LYPLA1: variants seen among roughly 807,000 people sequenced by gnomAD.
LYPLA1 encodes the protein acyl-protein thioesterase 1.
LYPLA1 carries 17 observed loss-of-function variants against 34.0 expected under a neutral mutation model. That is an observed-to-expected ratio of 0.50 (90% CI 0.34 to 0.75). The LOEUF (loss-of-function observed/expected upper bound fraction) is 0.75. LYPLA1 is among the 30% of genes least tolerant of loss of function. The probability of loss-of-function intolerance (pLI) is 0.01; values close to 1 mark genes in which losing one functional copy is unlikely to be tolerated. For missense variants in LYPLA1, 203 were observed against 288.8 expected (o/e 0.70, Z 2.15); for synonymous variants, 98 against 100.8 (o/e 0.97, Z 0.17).
At position 54,051,173 on chromosome 8, in the gene LYPLA1, C is replaced by T. The variant is rs369458337; in HGVS notation, c.478G>A (p.Ala160Thr). 6 of 1,612,286 alleles carry T rather than the reference C, an allele frequency of 3.7e-6. No individual in the cohort carries two copies. Among genetic ancestry groups the T allele is most frequent in the South Asian group, 2.2e-5 (2 of 90,956 alleles). The change falls in exon 8 of 9, where the codon GCT (alanine) becomes ACT (threonine). Residue 160 changes from alanine (A) to threonine (T), a missense_variant. Coordinates refer to ENST00000316963, the MANE Select transcript of LYPLA1 (RefSeq NM_006330.4). ...TGGAGAATAGAAATATCTCTATTAG[C>T]ACCACCGATAGGACCCTGCAAAAAG... ...ASFPQGPIGG[A>T]NRDISILQCH...
At chr8:54,053,952 C>A (rs186992247) in intron 6 of LYPLA1, among the ~76,000 whole-genome samples, 1 of 152,152 alleles carries the variant, frequency 6.6e-6, no homozygotes, top group South Asian at 2.1e-4. Flanking sequence ...AATATACAGA[C>A]TCCCACATGA....
At chr8:54,044,161 G>A (rs1458018893), downstream of LYPLA1, among the ~76,000 whole-genome samples, 6 of 152,074 alleles carry the variant, frequency 3.9e-5, no homozygotes, top group East Asian at 3.8e-4. Context: ...CCAAAGTGCC[G>A]GTATTACAGG....
intron 5 of LYPLA1, among the ~76,000 whole-genome samples, chr8:54,060,979 G>A (rs887774224): frequency 3.3e-5 from 5 of 151,954 alleles, no homozygotes; most frequent in Non-Finnish European, 5.9e-5. Flanking sequence ...ACAGGCGTGA[G>A]CCACCGCACT....
intron 2 of LYPLA1, among the ~76,000 whole-genome samples, chr8:54,089,210 A>G (rs1809022624): frequency 6.6e-6 from 1 of 152,174 alleles, no homozygotes; most frequent in Non-Finnish European, 1.5e-5. Flanking sequence ...TTGGTATGTG[A>G]ATTATATCTC....
intron 2 of LYPLA1, among the ~76,000 whole-genome samples, chr8:54,083,511 G>T (rs1376968738): frequency 6.6e-6 from 1 of 151,958 alleles, no homozygotes; most frequent in Non-Finnish European, 1.5e-5. Flanking sequence ...AAACAACAGG[G>T]GTCAATAATT....
chr8:54,054,073 T>A (rs953792336), intron 6 of LYPLA1, among the ~76,000 whole-genome samples: 19 of 152,164 alleles, frequency 1.2e-4, no homozygotes, highest in Non-Finnish European at 2.5e-4. Flanking sequence ...CTCTGGCTCC[T>A]GGGTTCAAGT....
chr8:54,089,491 C>CT (rs1190158801), intron 2 of LYPLA1, among the ~76,000 whole-genome samples: 4 of 91,672 alleles, frequency 4.4e-5, no homozygotes, highest in African/African-American at 2.6e-4. Flanking sequence ...TCAGACATCC[C>CT]TGGGGGGGGG....
intron 2 of LYPLA1, among the ~76,000 whole-genome samples, chr8:54,075,987 A>G (rs186641335): frequency 6.6e-6 from 1 of 152,322 alleles, no homozygotes; most frequent in African/African-American, 2.4e-5. Context: ...CCACGGTCAC[A>G]CTATGTTCAG....
intron 2 of LYPLA1, among the ~76,000 whole-genome samples, chr8:54,083,502 A>G (rs1415155935): frequency 6.6e-6 from 1 of 152,230 alleles, no homozygotes; most frequent in Non-Finnish European, 1.5e-5. Context: ...AGAAATATTA[A>G]ACAACAGGGG....
chr8:54,084,894 A>C (rs1808590435), intron 2 of LYPLA1, among the ~76,000 whole-genome samples: 2 of 152,210 alleles, frequency 1.3e-5, no homozygotes, highest in Admixed American at 6.5e-5. Flanking sequence ...AGTAATCCAA[A>C]GTCTCACAGA....
rs560151154 is a variant in LYPLA1 at position 54,100,830 on chromosome 8, A to G, written c.101+78T>C. On this transcript the variant is annotated intron_variant, in intron 2 of 8. Coordinates refer to ENST00000316963, the MANE Select transcript of LYPLA1 (RefSeq NM_006330.4). ...AAATACCATTTTAGCGCCCTTAAAC[A>G]TTAAACCTTTGAACGCGTAAACAAA... 6.0e-6 allele frequency: 7 copies of G among 1,166,254 alleles called. No individual in the cohort carries two copies. The African/African-American group carries it at 1.1e-4, about 18-fold the overall frequency. 72.2% of individuals were successfully genotyped at this position (1,166,254 alleles called of 1,614,324 possible). A position where few individuals can be genotyped will look rare whatever the true frequency, so the allele number is the denominator to read the frequency against.
intron 2 of LYPLA1, chr8:54,073,153 A>G: frequency 2.7e-6 from 2 of 738,996 alleles, no homozygotes; most frequent in South Asian, 2.7e-5. Context: ...CAGAGATGAC[A>G]GCATTCAGCC....
intron 2 of LYPLA1, among the ~76,000 whole-genome samples, chr8:54,080,867 C>T (rs1310482603): frequency 6.6e-6 from 1 of 152,158 alleles, no homozygotes; most frequent in Non-Finnish European, 1.5e-5. Flanking sequence ...GGATTACAGG[C>T]GTAAGCCACT....
chr8:54,065,619 C>A, intron 3 of LYPLA1, 129 bp downstream of exon 3: 1 of 588,072 alleles, frequency 1.7e-6, no homozygotes. Context: ...TTCTACTAAT[C>A]TTTATTTTTA....
chr8:54,051,935 C>T (rs990122005), intron 7 of LYPLA1, among the ~76,000 whole-genome samples: 14 of 151,670 alleles, frequency 9.2e-5, no homozygotes, highest in African/African-American at 3.2e-4. Flanking sequence ...ACTGCAACTT[C>T]CACCTCCTGG....
chr8:54,073,114 G>C, intron 2 of LYPLA1: 1 of 687,504 alleles, frequency 1.5e-6, no homozygotes, highest in Non-Finnish European at 2.7e-6. Flanking sequence ...TCAGGAACTT[G>C]CGCGTCCATC....
intron 2 of LYPLA1, among the ~76,000 whole-genome samples, chr8:54,077,093 T>C (rs1807965034): frequency 6.6e-6 from 1 of 152,008 alleles, no homozygotes; most frequent in Non-Finnish European, 1.5e-5. Context: ...TCACCCTAGA[T>C]ACCCATCAGC....
intron 5 of LYPLA1, among the ~76,000 whole-genome samples, chr8:54,061,799 G>A (rs1806653045): frequency 6.6e-6 from 1 of 152,036 alleles, no homozygotes; most frequent in South Asian, 2.1e-4. Context: ...GGGGGTAAAA[G>A]GAAGGAAACA....
At chr8:54,087,631 T>C (rs1023030676) in intron 2 of LYPLA1, among the ~76,000 whole-genome samples, 5 of 152,238 alleles carry the variant, frequency 3.3e-5, no homozygotes, top group African/African-American at 1.2e-4. Flanking sequence ...GATAGGAGTC[T>C]AGTGTCCAGA....
Sources: allele counts gnomAD v4.1 joint callset (sites outside exome capture counted in the v4.1 genomes callset), GRCh38; gene constraint gnomAD v4.1.1; transcripts MANE v1.5; gene names NCBI Gene and HGNC (gene_info 2026-07-23, HGNC 2026-07-21).